Variants in AKAP13 observed in about 807,000 individuals in gnomAD.
AKAP13 encodes the protein A-kinase anchoring protein 13.
AKAP13 carries 80 observed loss-of-function variants against 264.5 expected under a neutral mutation model. The observed-to-expected ratio is 0.30, with a 90% confidence interval of 0.25 to 0.36. The LOEUF (loss-of-function observed/expected upper bound fraction) is 0.36. Among genes scored for constraint, AKAP13 ranks in the 10% least tolerant of loss-of-function variants. The pLI, the probability that AKAP13 is intolerant of heterozygous loss-of-function variation, is 1.00. For synonymous variants in AKAP13, 1,380 were observed against 1,250.2 expected (o/e 1.10, Z -2.19); for missense variants, 3,712 against 3,435.2 (o/e 1.08, Z -2.01).
At chr15:85,720,914 A>G (rs183934771) in intron 23 of AKAP13, among the ~76,000 whole-genome samples, 14 of 152,240 alleles carry the variant, frequency 9.2e-5, no homozygotes, top group Non-Finnish European at 1.2e-4. Context: ...ATGTTATGAA[A>G]TAAATGCAAA....
At chr15:85,480,908 T>G (rs1019684412) in intron 1 of AKAP13, 1 of 152,200 alleles carries the variant, frequency 6.6e-6, no homozygotes, top group Admixed American at 6.5e-5. Context: ...GCCAGGATGG[T>G]CTGAAACTCC....
intron 1 of AKAP13, among the ~76,000 whole-genome samples, chr15:85,391,567 C>T (rs533043891): frequency 6.6e-6 from 1 of 151,178 alleles, no homozygotes; most frequent in African/African-American, 2.4e-5. Context: ...TCACTGCAAC[C>T]TCTCCCTTCT....
chr15:85,439,126 A>C (rs1342104176), intron 1 of AKAP13, among the ~76,000 whole-genome samples: 1 of 152,186 alleles, frequency 6.6e-6, no homozygotes, highest in Non-Finnish European at 1.5e-5. Flanking sequence ...TTACAAGAAA[A>C]AAAATAAACA....
In AKAP13 at chr15:85,567,377, A is replaced by T. The variant is rs370553017; in HGVS notation, c.663-7754A>T. ...CACCTCGGCCTCCCAAAGTGCTGAG[A>T]TTGCAGGCGTGAGCCACCACGCCCA... is the stretch of plus-strand genomic sequence containing the variant. On this transcript the variant is annotated intron_variant, in intron 5 of 36. Coordinates refer to ENST00000394518, the MANE Select transcript of AKAP13 (RefSeq NM_007200.5). Among the ~76,000 whole-genome samples the T allele has an allele frequency of 3.3e-5, 5 of 152,330 alleles. No individual in the cohort carries two copies. In the East Asian group the frequency reaches 5.8e-4, roughly 18 times the overall value.
At chr15:85,712,355 C>G (rs1056232384) in intron 19 of AKAP13, among the ~76,000 whole-genome samples, 3 of 152,316 alleles carry the variant, frequency 2.0e-5, no homozygotes, top group Non-Finnish European at 2.9e-5. Flanking sequence ...CAGGTTGATA[C>G]CCACTTTTAG....
intron 8 of AKAP13, among the ~76,000 whole-genome samples, chr15:85,635,421 T>C (rs755753203): frequency 1.3e-5 from 2 of 152,184 alleles, no homozygotes; most frequent in Non-Finnish European, 2.9e-5. Flanking sequence ...GCTTTGTTAC[T>C]GCATTGTAAG....
At position 85,578,973 on chromosome 15, in the gene AKAP13, T is replaced by C. The variant is rs1394752288; in HGVS notation, c.905T>C (p.Met302Thr). 1.2e-6 allele frequency: 2 copies of C among 1,614,086 alleles called. No individual in the cohort carries two copies. Among genetic ancestry groups the C allele is most frequent in the Non-Finnish European group, 1.7e-6 (2 of 1,180,028 alleles). Residue 302 changes from methionine to threonine, a missense_variant, in exon 7 of 37, where the codon ATG becomes ACG. By Grantham distance (81) the Met-to-Thr change is moderately conservative. Around this residue, in one of 3 missense-constraint regions of AKAP13, gnomAD observed 2,759 missense variants for 2,411.7 expected, o/e 1.14. Coordinates refer to ENST00000394518, the MANE Select transcript of AKAP13 (RefSeq NM_007200.5). Reference protein sequence around the residue: ...KQMDSLMPLMMTAQDPSSAPE... With the variant: ...KQMDSLMPLMTTAQDPSSAPE... ...ATGGACAGTCTTATGCCCTTAATGA[T>C]GACAGCACAGGATCCTTCCAGTGCC...
In AKAP13 at chr15:85,736,141, A is replaced by G. The variant is rs1259789420; in HGVS notation, c.7557+7A>G. 5.6e-6 allele frequency: 9 copies of G among 1,596,154 alleles called. No individual in the cohort carries two copies. The South Asian group carries it at 8.9e-5, about 16-fold the overall frequency. On this transcript the variant is annotated splice_region_variant and intron_variant, in intron 33 of 36. Transcript: ENST00000394518. ...GCTTAAAAGAAACAGTGAGGTAAGG[A>G]CATTATGAACTATTTAAGAAAATAT...
intron 8 of AKAP13, among the ~76,000 whole-genome samples, chr15:85,599,703 G>C (rs1266212814): frequency 6.6e-6 from 1 of 152,152 alleles, no homozygotes; most frequent in Non-Finnish European, 1.5e-5. Flanking sequence ...GGAAGGAAGA[G>C]GGGTTAAATA....
chr15:85,435,502 GAC>G (rs1391449448), intron 1 of AKAP13, among the ~76,000 whole-genome samples: 1 of 70,038 alleles, frequency 1.4e-5, no homozygotes, highest in African/African-American at 5.9e-5. Flanking sequence ...GCAACTCCAA[GAC>G]ACATAATTGT....
intron 5 of AKAP13, among the ~76,000 whole-genome samples, chr15:85,553,592 A>G (rs532929475): frequency 3.3e-5 from 5 of 152,174 alleles, no homozygotes; most frequent in South Asian, 4.1e-4. Flanking sequence ...TTATTGTACC[A>G]TTTTATTCTT....
chr15:85,718,271 A>C lies in AKAP13; in HGVS notation c.6001+112A>C, dbSNP rs2087071771. 3 of 1,317,304 alleles carry C rather than the reference A, an allele frequency of 2.3e-6. No homozygotes were observed. In the Admixed American group the frequency reaches 6.7e-5, roughly 29 times the overall value. 81.6% of individuals were successfully genotyped at this position (1,317,304 alleles called of 1,614,324 possible). A position where few individuals can be genotyped will look rare whatever the true frequency, so the allele number is the denominator to read the frequency against. On this transcript the variant is annotated intron_variant, in intron 22 of 36. Coordinates refer to ENST00000394518, the MANE Select transcript of AKAP13 (RefSeq NM_007200.5). The surrounding 1 kb of genome is among the most constrained non-coding windows in gnomAD (Gnocchi z 4.9). Reference sequence around the variant, plus strand: ...GTTTTTTAGTATGTGGCTTCTTGAAAAGATTTCCTTTAAAAACTTTAAGGT... The same window carrying C: ...GTTTTTTAGTATGTGGCTTCTTGAACAGATTTCCTTTAAAAACTTTAAGGT...
chr15:85,560,156 A>G (rs1226195233), intron 5 of AKAP13, among the ~76,000 whole-genome samples: 1 of 123,542 alleles, frequency 8.1e-6, no homozygotes, highest in Non-Finnish European at 1.7e-5. Context: ...AAAAAAAAAA[A>G]ACAGTAAAAA....
chr15:85,695,124 G>A (rs774331687), intron 17 of AKAP13, among the ~76,000 whole-genome samples: 69 of 152,100 alleles, frequency 4.5e-4, no homozygotes, highest in Non-Finnish European at 9.6e-4. Context: ...GTGTATTTGG[G>A]CCAGGCGTGG....
chr15:85,578,229 G>A (rs1251300393), intron 6 of AKAP13, among the ~76,000 whole-genome samples: 2 of 152,234 alleles, frequency 1.3e-5, no homozygotes, highest in Non-Finnish European at 2.9e-5. Flanking sequence ...GCTGCGGTGA[G>A]CTGTGATCAC....
In AKAP13 at chr15:85,722,041, T is replaced by C. The variant is rs1363797439; in HGVS notation, c.6303T>C (p.Cys2101=). 2 of 1,614,046 alleles carry C rather than the reference T, an allele frequency of 1.2e-6. No homozygotes were observed. The highest frequency in any genetic ancestry group is 2.7e-5 in the African/African-American group (2 of 74,946). ...ERLKKTYGKF[C]GQHNQSVNYF... ...TAAAGAAGACATATGGCAAGTTTTG[T>C]GGGCAACATAACCAGTCTGTAAACT... The change falls in exon 24 of 37, where the codon TGT becomes TGC. Residue 2101 remains cysteine (C), a synonymous_variant. Coordinates refer to ENST00000394518, the MANE Select transcript of AKAP13 (RefSeq NM_007200.5).
chr15:85,745,287 GTGTT>G lies in AKAP13; in HGVS notation c.*612_*615del, dbSNP rs1428333988. ...AACCCATCCCGGGCACATACCACCC[GTGTT>G]TTGCATGTATTTCTCATTTCATTTT... On this transcript the variant is annotated 3_prime_UTR_variant, in exon 37 of 37. Transcript: ENST00000394518. The G allele has an allele frequency of 6.6e-6, 1 of 151,914 alleles. No individual in the cohort carries two copies. Among genetic ancestry groups the G allele is most frequent in the Non-Finnish European group, 1.5e-5 (1 of 68,026 alleles). 9.4% of individuals were successfully genotyped at this position (151,914 alleles called of 1,614,324 possible). A position where few individuals can be genotyped will look rare whatever the true frequency, so the allele number is the denominator to read the frequency against.
chr15:85,562,861 GGTT>G (rs2078450936), intron 5 of AKAP13, among the ~76,000 whole-genome samples: 1 of 72,530 alleles, frequency 1.4e-5, no homozygotes, highest in Non-Finnish European at 2.9e-5. Context: ...ACGCCCAGCA[GGTT>G]TTTTTTGTTT....
At chr15:85,397,072 C>G (rs2071154752) in intron 1 of AKAP13, among the ~76,000 whole-genome samples, 1 of 112,744 alleles carries the variant, frequency 8.9e-6, no homozygotes, top group South Asian at 3.2e-4. Context: ...ATAATGCATT[C>G]CCAAGTATTT....
Sources: gnomAD v4.1 joint callset for allele counts (sites outside exome capture counted in the v4.1 genomes callset) on GRCh38, gnomAD v4.1.1 for gene constraint, gnomAD v4.1.1 regional missense constraint, Gnocchi (gnomAD v3.1) non-coding constraint, MANE v1.5 for transcripts, NCBI Gene and HGNC (gene_info 2026-07-23, HGNC 2026-07-21) for gene names.